The following CTBP1 variants were observed in gnomAD, a reference collection of about 807,000 sequenced individuals.
CTBP1 encodes the protein C-terminal binding protein 1.
In CTBP1, 11 loss-of-function variants were observed where a neutral mutation model predicts 42.1. That is an observed-to-expected ratio of 0.26 (90% CI 0.16 to 0.43). The LOEUF (loss-of-function observed/expected upper bound fraction) is 0.43, where lower values mean the gene tolerates loss of function less well. Ranked by LOEUF, CTBP1 falls within the 20% of genes least tolerant of loss-of-function variation. The pLI, the probability that CTBP1 is intolerant of heterozygous loss-of-function variation, is 1.00. For synonymous variants in CTBP1, 324 were observed against 277.1 expected, an observed-to-expected ratio of 1.17 and a Z score of -1.68; for missense variants, 399 against 624.3, an observed-to-expected ratio of 0.64 and a Z score of 3.85.
At chr4:1,212,856 T>C in intron 9 of CTBP1, 57 bp downstream of exon 9, 1 of 1,454,318 alleles carries the variant, frequency 6.9e-7, no homozygotes, top group Non-Finnish European at 9.6e-7. Flanking sequence ...TGTGCTGGGA[T>C]CCAGGGGAAG....
At position 1,235,616 on chromosome 4, in the gene CTBP1, C is replaced by T. The variant is rs1202427047; in HGVS notation, c.162+2567G>A. The stretch of plus-strand genomic sequence containing the variant: ...TTTTCTCCCCTAACGCTGCTACGCC[C>T]CGTTCCAGAGTCATCAGCTCTTCGT... On this transcript the variant is annotated intron_variant, in intron 3 of 9. Transcript: ENST00000382952. The surrounding 1 kb of genome is among the most constrained non-coding windows in gnomAD (Gnocchi z 4.2). 1 of 152,232 alleles carries T rather than the reference C, an allele frequency of 6.6e-6. No individual in the cohort carries two copies. Among genetic ancestry groups the T allele is most frequent in the Admixed American group, 6.5e-5 (1 of 15,286 alleles). 9.4% of individuals were successfully genotyped at this position (152,232 alleles called of 1,614,324 possible).
At chr4:1,249,531 A>C (rs902436812), upstream of CTBP1, 1 of 161,576 alleles carries the variant, frequency 6.2e-6, no homozygotes, top group Non-Finnish European at 1.3e-5. Context: ...CCGCTCCGCC[A>C]GCTGCCGCCC....
At chr4:1,249,588 G>A (rs1425805805), upstream of CTBP1, 3 of 346,926 alleles carry the variant, frequency 8.6e-6, no homozygotes, top group Middle Eastern at 6.7e-4. Context: ...GCGCCTCCGA[G>A]GCTGGCCAGG....
rs1020884064 is a variant in CTBP1 at position 1,233,903 on chromosome 4, A to T, written c.162+4280T>A. Reference sequence around the variant, plus strand: ...TTTCCTCCCACGCCAAAGCCTGGAGACAGGGAGCCTGCGGCCCCGCTGCCC... The same window carrying T: ...TTTCCTCCCACGCCAAAGCCTGGAGTCAGGGAGCCTGCGGCCCCGCTGCCC... On this transcript the variant is annotated intron_variant, in intron 3 of 9. Transcript: ENST00000382952. The surrounding 1 kb of genome is among the most constrained non-coding windows in gnomAD (Gnocchi z 4.6). Among the ~76,000 whole-genome samples, 18 of 152,126 alleles carry T rather than the reference A, an allele frequency of 1.2e-4. No individual in the cohort carries two copies. Among genetic ancestry groups the T allele is most frequent in the African/African-American group, 3.9e-4 (16 of 41,436 alleles).
intron 5 of CTBP1, among the ~76,000 whole-genome samples, chr4:1,223,188 C>G (rs1298422828): frequency 6.6e-6 from 1 of 152,136 alleles, no homozygotes; most frequent in Non-Finnish European, 1.5e-5. Context: ...CCCACCCTCC[C>G]TCCTCCCCTC....
intron 3 of CTBP1, chr4:1,236,233 A>C: frequency 5.2e-6 from 1 of 190,666 alleles, no homozygotes; most frequent in Non-Finnish European, 1.1e-5. Flanking sequence ...TCTTCAGGGA[A>C]AAGCTGCTCT....
intron 5 of CTBP1, among the ~76,000 whole-genome samples, chr4:1,220,497 A>C (rs1231774985): frequency 1.3e-5 from 2 of 152,226 alleles, no homozygotes; most frequent in Admixed American, 6.5e-5. Flanking sequence ...AACTGATTTT[A>C]AGGACTCAAC....
Position 1,216,021 on chromosome 4 carries a change from G to A in CTBP1, c.699C>T (p.His233=). ...TGACGGTGAAGTCGTTGATGAGGTG[G>A]TGGTTGTGCTCGTTGAGGCCGCAGT... ...TLHCGLNEHN[H]HLINDFTVKQ... is the part of the protein sequence containing the mutation. Residue 233 remains histidine (H), a synonymous_variant, in exon 6 of 10, where the codon CAC becomes CAT. Transcript: ENST00000382952. The A allele has an allele frequency of 6.2e-7, 1 of 1,611,484 alleles. No homozygotes were observed. The highest frequency in any genetic ancestry group is 8.5e-7 in the Non-Finnish European group (1 of 1,179,788).
At chr4:1,249,533 C>T, upstream of CTBP1, 1 of 183,062 alleles carries the variant, frequency 5.5e-6, no homozygotes, top group Non-Finnish European at 1.1e-5. Flanking sequence ...GCTCCGCCAG[C>T]TGCCGCCCTC....
intron 1 of CTBP1, among the ~76,000 whole-genome samples, chr4:1,246,549 A>C (rs766524182): frequency 6.6e-6 from 1 of 152,242 alleles, no homozygotes; most frequent in Non-Finnish European, 1.5e-5. Context: ...ACAGCCGGGC[A>C]CAAAGTGCTG....
Position 1,238,162 on chromosome 4 carries a change from C to A in CTBP1, c.162+21G>T. The A allele has an allele frequency of 6.2e-7, 1 of 1,612,480 alleles. No individual in the cohort carries two copies. The highest frequency in any genetic ancestry group is 1.1e-5 in the South Asian group (1 of 91,056). ...CCCCAACGTGCGGTTCTGCCAGCCC[C>A]AGGCGACCACGTGGTGGTACCTTCT... On this transcript the variant is annotated intron_variant, in intron 3 of 9. Coordinates refer to ENST00000382952, the MANE Select transcript of CTBP1 (RefSeq NM_001012614.2). This position sits in a 1 kb window ranked among gnomAD's most constrained non-coding sequence, Gnocchi z 5.9.
chr4:1,228,184 T>A lies in CTBP1; in HGVS notation c.307+15A>T. 1.2e-6 allele frequency: 2 copies of A among 1,613,642 alleles called. No individual in the cohort carries two copies. Among genetic ancestry groups the A allele is most frequent in the South Asian group, 1.1e-5 (1 of 91,034 alleles). On this transcript the variant is annotated intron_variant, in intron 4 of 9. Transcript: ENST00000382952. ...TGCATGAATGGGCACAGGAGAGAAC[T>A]CGGAGCCGGCCTACCTAAATCCCCG... is the stretch of plus-strand genomic sequence containing the variant.
chr4:1,242,059 C>T, intron 1 of CTBP1: 6 of 987,674 alleles, frequency 6.1e-6, no homozygotes, highest in Non-Finnish European at 7.2e-6. Context: ...GCGCCGGCTC[C>T]ACCTCCGACC....
chr4:1,212,780 G>T, intron 9 of CTBP1, 133 bp downstream of exon 9: 1 of 780,454 alleles, frequency 1.3e-6, no homozygotes, highest in Non-Finnish European at 2.1e-6. Flanking sequence ...GGTGAGGTTG[G>T]CCTTACCAAT....
At chr4:1,217,784 G>A (rs1729302796) in intron 5 of CTBP1, 1 of 152,256 alleles carries the variant, frequency 6.6e-6, no homozygotes, top group Non-Finnish European at 1.5e-5. Flanking sequence ...GGAGGATGTA[G>A]TTTCTAATTA....
At chr4:1,227,053 C>A (rs970914027) in intron 4 of CTBP1, among the ~76,000 whole-genome samples, 1 of 152,030 alleles carries the variant, frequency 6.6e-6, no homozygotes, top group Non-Finnish European at 1.5e-5. Context: ...ACAGACCGAG[C>A]CTGGCAGAAA....
At chr4:1,247,459 G>C (rs1241578036) in intron 1 of CTBP1, among the ~76,000 whole-genome samples, 1 of 152,152 alleles carries the variant, frequency 6.6e-6, no homozygotes, top group Non-Finnish European at 1.5e-5. Context: ...GGCCCGGGCA[G>C]GCAGGGGAGA....
intron 4 of CTBP1, among the ~76,000 whole-genome samples, chr4:1,227,358 G>A (rs1305269438): frequency 6.6e-6 from 1 of 150,678 alleles, no homozygotes; most frequent in Non-Finnish European, 1.5e-5. Flanking sequence ...TGTGTTCCAT[G>A]TGCTGAGTGC....
intron 5 of CTBP1, 74 bp downstream of exon 5, chr4:1,225,286 C>T: frequency 2.7e-6 from 4 of 1,476,622 alleles, no homozygotes; most frequent in South Asian, 1.3e-5. Flanking sequence ...CGGGCCTCTC[C>T]TCCTGGGCAC....
Sources: allele counts gnomAD v4.1 joint callset (sites outside exome capture counted in the v4.1 genomes callset), GRCh38; gene constraint gnomAD v4.1.1; non-coding constraint Gnocchi (gnomAD v3.1); transcripts MANE v1.5; gene names NCBI Gene and HGNC (gene_info 2026-07-23, HGNC 2026-07-21).